The following ZNF503 variants were observed in gnomAD, a reference collection of about 807,000 sequenced individuals.
ZNF503 encodes NocA-like zinc finger 2.
In ZNF503, 15 loss-of-function variants were observed where a neutral mutation model predicts 34.4. That is an observed-to-expected ratio of 0.44 (90% confidence interval 0.29 to 0.67). The LOEUF (loss-of-function observed/expected upper bound fraction) is 0.67. Among genes scored for constraint, ZNF503 ranks in the 30% least tolerant of loss-of-function variants. The pLI is 0.13. For missense variants in ZNF503, 1,007 were observed against 926.8 expected, an observed-to-expected ratio of 1.09 and a Z score of -1.12; for synonymous variants, 580 against 456.8, an observed-to-expected ratio of 1.27 and a Z score of -3.44.
the ZNF503 span, among the ~76,000 whole-genome samples, chr10:75,295,364 G>C: frequency 8.3e-3 from 1,257 of 152,274 alleles, 23 homozygotes; most frequent in East Asian, 0.066. The surrounding 1 kb of genome is among the most constrained non-coding windows in gnomAD (Gnocchi z 4.0). Context: ...AGAGGTTGAG[G>C]GGGGGAAAAG....
At chr10:75,371,512 C>T in the ZNF503 span, among the ~76,000 whole-genome samples, 3 of 152,158 alleles carry the variant, frequency 2.0e-5, no homozygotes, top group Non-Finnish European at 4.4e-5. Flanking sequence ...TCAGTCTATA[C>T]GGCCTACCAT....
Position 75,401,574 on chromosome 10 carries a change from G to A in ZNF503, c.-155C>T, listed in dbSNP as rs1157865385. ...GCCCAGCGCGCCTTCTCGGCGCCTG[G>A]AGCCAGACGCGAGTAATCCTGGGTG... On this transcript the variant is annotated 5_prime_UTR_variant, in exon 1 of 2. Coordinates refer to ENST00000372524, the MANE Select transcript of ZNF503 (RefSeq NM_032772.6). The A allele has an allele frequency of 1.1e-6, 1 of 873,594 alleles. No homozygotes were observed. The highest frequency in any genetic ancestry group is 1.7e-6 in the Non-Finnish European group (1 of 575,600). The allele number at this position is 873,594 out of a possible 1,614,324, so 54.1% of individuals were successfully genotyped here. A position where few individuals can be genotyped will look rare whatever the true frequency, so the allele number is the denominator to read the frequency against.
chr10:75,322,732 T>A, the ZNF503 span, among the ~76,000 whole-genome samples: 6 of 152,130 alleles, frequency 3.9e-5, no homozygotes, highest in African/African-American at 1.4e-4. Flanking sequence ...TCTCATCTAC[T>A]CTGGAGGCTG....
the ZNF503 span, among the ~76,000 whole-genome samples, chr10:75,368,324 G>A: frequency 6.6e-6 from 1 of 152,026 alleles, no homozygotes; most frequent in Admixed American, 6.6e-5. Context: ...ATTTTCAAGG[G>A]TACCAATAAG....
At chr10:75,289,773 C>T in the ZNF503 span, among the ~76,000 whole-genome samples, 2 of 152,070 alleles carry the variant, frequency 1.3e-5, no homozygotes. Flanking sequence ...ACCATGTTGA[C>T]TGGGCTATGC....
Position 75,400,076 on chromosome 10 carries a change from ACACCCCCGCCGC to A in ZNF503, c.602_613del (p.Gly201_Gly204del), listed in dbSNP as rs1238330765. On this transcript the variant is annotated inframe_deletion, in exon 2 of 2. Transcript: ENST00000372524. ...CCGGAATCCCGACTTCTCCGACGAAACACCCCCGCCGCCGCCCCCGCCACCGCCACCGCCTCC... is the reference window on the plus strand; with the variant it reads ...CCGGAATCCCGACTTCTCCGACGAAACGCCCCCGCCACCGCCACCGCCTCC... 4 of 1,545,622 alleles carry A rather than the reference ACACCCCCGCCGC, an allele frequency of 2.6e-6. No homozygotes were observed. Among genetic ancestry groups the A allele is most frequent in the African/African-American group, 1.4e-5 (1 of 71,228 alleles).
the ZNF503 span, chr10:75,295,699 T>C: frequency 5.3e-5 from 8 of 152,228 alleles, no homozygotes; most frequent in Non-Finnish European, 8.8e-5. This position sits in a 1 kb window ranked among gnomAD's most constrained non-coding sequence, Gnocchi z 4.0. Flanking sequence ...TACTCGACTG[T>C]TATATTTGAC....
At chr10:75,295,078 C>G in the ZNF503 span, among the ~76,000 whole-genome samples, 1 of 151,610 alleles carries the variant, frequency 6.6e-6, no homozygotes, top group Non-Finnish European at 1.5e-5. This position sits in a 1 kb window ranked among gnomAD's most constrained non-coding sequence, Gnocchi z 4.0. Context: ...TTATGACTTG[C>G]GAGCCGCCTG....
chr10:75,283,407 CTGCAAGAGTGG>C, the ZNF503 span: 1 of 152,294 alleles, frequency 6.6e-6, no homozygotes. Flanking sequence ...GAAGCATTTC[CTGCAAGAGTGG>C]TGGGGGAAGA....
chr10:75,311,921 T>G, the ZNF503 span, among the ~76,000 whole-genome samples: 1 of 151,878 alleles, frequency 6.6e-6, no homozygotes, highest in African/African-American at 2.4e-5. Context: ...TTTTTTGTAT[T>G]TTTAGTAGAA....
At chr10:75,384,070 C>T in the ZNF503 span, among the ~76,000 whole-genome samples, 1 of 152,134 alleles carries the variant, frequency 6.6e-6, no homozygotes. Context: ...AGTCTGGCTC[C>T]TGTGGGAACT....
At chr10:75,324,084 T>C in the ZNF503 span, among the ~76,000 whole-genome samples, 1 of 147,480 alleles carries the variant, frequency 6.8e-6, no homozygotes, top group Non-Finnish European at 1.5e-5. Context: ...GTCAGAAATA[T>C]GATTTGCAAA....
chr10:75,361,203 A>G, the ZNF503 span: 1 of 152,242 alleles, frequency 6.6e-6, no homozygotes, highest in South Asian at 2.1e-4. Context: ...TTCTTCTGTC[A>G]TCTCTCAATA....
chr10:75,371,284 C>T, the ZNF503 span, among the ~76,000 whole-genome samples: 1 of 152,164 alleles, frequency 6.6e-6, no homozygotes. Flanking sequence ...TGGAAGGCTG[C>T]AGGGCTTCAG....
chr10:75,284,387 G>T, the ZNF503 span, among the ~76,000 whole-genome samples: 1 of 151,780 alleles, frequency 6.6e-6, no homozygotes, highest in Non-Finnish European at 1.5e-5. Context: ...AGGGGGCGTT[G>T]GTGGGGAGGG....
chr10:75,374,087 G>A, the ZNF503 span, among the ~76,000 whole-genome samples: 2 of 152,254 alleles, frequency 1.3e-5, no homozygotes, highest in African/African-American at 4.8e-5. Flanking sequence ...ACCGAGGCAG[G>A]TGGATTACTT....
chr10:75,357,910 C>A, the ZNF503 span, among the ~76,000 whole-genome samples: 1 of 152,196 alleles, frequency 6.6e-6, no homozygotes, highest in Non-Finnish European at 1.5e-5. Context: ...ATTCTGCAGC[C>A]TGAGTCTCCT....
chr10:75,311,296 C>G, the ZNF503 span, among the ~76,000 whole-genome samples: 1 of 152,150 alleles, frequency 6.6e-6, no homozygotes, highest in Non-Finnish European at 1.5e-5. Flanking sequence ...AGATTGTGCC[C>G]ACCCAGTTTG....
At chr10:75,280,550 G>T in the ZNF503 span, among the ~76,000 whole-genome samples, 1 of 128,802 alleles carries the variant, frequency 7.8e-6, no homozygotes, top group Non-Finnish European at 1.6e-5. Flanking sequence ...GGAGGGGTGT[G>T]TATGCGTGTG....
Sources: gnomAD v4.1 joint callset for allele counts (sites outside exome capture counted in the v4.1 genomes callset) on GRCh38, gnomAD v4.1.1 for gene constraint, Gnocchi (gnomAD v3.1) non-coding constraint, MANE v1.5 for transcripts, NCBI Gene and HGNC (gene_info 2026-07-23, HGNC 2026-07-21) for gene names.